The following CNOT11 variants were observed in gnomAD, a reference collection of about 807,000 sequenced individuals.
CNOT11 encodes the protein UPF0760 protein C2orf29.
Under a neutral mutation model 44.6 loss-of-function variants are expected in CNOT11, and 18 were observed. That is an observed-to-expected ratio of 0.40 (90% CI 0.28 to 0.60). The LOEUF is 0.60. Among genes scored for constraint, CNOT11 ranks in the 20% least tolerant of loss-of-function variants. CNOT11 has a pLI of 0.38. For synonymous variants in CNOT11, 291 were observed against 270.9 expected (o/e 1.07, Z -0.73); for missense variants, 513 against 677.0 (o/e 0.76, Z 2.69).
intron 1 of CNOT11, among the ~76,000 whole-genome samples, chr2:101,256,164 G>A (rs546998172): frequency 6.6e-6 from 1 of 151,548 alleles, no homozygotes; most frequent in African/African-American, 2.4e-5. Context: ...TGTAGAAGTT[G>A]AGGGATTTTG....
intron 2 of CNOT11, 67 bp from the exon 3 acceptor site, chr2:101,262,472 C>T: frequency 6.9e-7 from 1 of 1,443,194 alleles, no homozygotes; most frequent in Middle Eastern, 1.8e-4. Flanking sequence ...TAGCTTGCCT[C>T]AGTTGGTAGC....
chr2:101,266,988 T>C (rs1046756599), intron 5 of CNOT11, 109 bp downstream of exon 5: 6 of 750,908 alleles, frequency 8.0e-6, no homozygotes, highest in Non-Finnish European at 1.3e-5. Context: ...TAAGATTAAC[T>C]ATTAAAGAAA....
chr2:101,258,494 C>T (rs867166647), intron 2 of CNOT11, among the ~76,000 whole-genome samples: 2 of 151,818 alleles, frequency 1.3e-5, no homozygotes, highest in Non-Finnish European at 2.9e-5. Flanking sequence ...GGAGTTTTCA[C>T]TTGAATTGAT....
At position 101,253,144 on chromosome 2, in the gene CNOT11, G is replaced by T. The variant is rs766637419; in HGVS notation, c.180G>T (p.Arg60Ser). ...GAGGCCCGGGGGGCCCCGCGGGCAG[G>T]ATGAGCTTGACCCCGAAGGAGCTCT... ...GSGGPGGPAG[R>S]MSLTPKELSS... is the part of the protein sequence containing the mutation. Residue 60 changes from arginine (R) to serine (S), a missense_variant, in exon 1 of 7, where the codon AGG becomes AGT. Physicochemically the swap from Arg to Ser is moderately radical, Grantham distance 110 (BLOSUM62 -1). This residue lies in a region of CNOT11 where 259 missense variants were observed against 265.7 expected (regional missense o/e 0.97). Transcript: ENST00000289382. The surrounding 1 kb of genome is among the most constrained non-coding windows in gnomAD (Gnocchi z 4.3). The T allele has an allele frequency of 5.7e-6, 9 of 1,573,782 alleles. No individual in the cohort carries two copies. In the Admixed American group the frequency reaches 1.6e-4, roughly 28 times the overall value.
intron 2 of CNOT11, among the ~76,000 whole-genome samples, chr2:101,259,923 C>T (rs1239160337): frequency 6.6e-6 from 1 of 151,928 alleles, no homozygotes; most frequent in African/African-American, 2.4e-5. Context: ...GGTGTGTGCA[C>T]TTGTGGTCCC....
chr2:101,266,580 T>C, intron 4 of CNOT11, 97 bp from the exon 5 acceptor site: 1 of 887,388 alleles, frequency 1.1e-6, no homozygotes. Context: ...TTGTAGCTTT[T>C]TGTATAAAAT....
chr2:101,267,203 A>G (rs1682007304), intron 5 of CNOT11, among the ~76,000 whole-genome samples: 1 of 151,980 alleles, frequency 6.6e-6, no homozygotes, highest in Admixed American at 6.6e-5. Flanking sequence ...GCTCACTGCA[A>G]CCTCCACCCG....
At position 101,269,634 on chromosome 2, in the gene CNOT11, C is replaced by T. The variant is rs182234397; in HGVS notation, c.*221C>T. On this transcript the variant is annotated 3_prime_UTR_variant, in exon 7 of 7. Transcript: ENST00000289382. The surrounding 1 kb of genome is among the most constrained non-coding windows in gnomAD (Gnocchi z 4.8). The stretch of plus-strand genomic sequence containing the variant: ...TTTTAGGTGTCTTGCTGATGACTAT[C>T]CATAGGAGGAATGGCTATCCCAAAA... 134 of 391,500 alleles carry T rather than the reference C, an allele frequency of 3.4e-4. No homozygotes were observed. The highest frequency in any genetic ancestry group is 5.3e-4 in the Non-Finnish European group (118 of 221,158). The allele number at this position is 391,500 out of a possible 1,614,324, so 24.3% of individuals were successfully genotyped here.
At chr2:101,268,292 T>G (rs1475390817) in intron 5 of CNOT11, among the ~76,000 whole-genome samples, 3 of 152,226 alleles carry the variant, frequency 2.0e-5, no homozygotes, top group Non-Finnish European at 4.4e-5. Context: ...TTGACCACGC[T>G]GAGTGTTCAC....
rs1478312636 is a variant in CNOT11, at chr2:101,265,003, G to A, written c.991G>A (p.Ala331Thr). 3.1e-6 allele frequency: 5 copies of A among 1,613,972 alleles called. No individual in the cohort carries two copies. The highest frequency in any genetic ancestry group is 4.2e-6 in the Non-Finnish European group (5 of 1,179,976). ...TGGTGTGGAGATCAAACGAATAATG[G>A]CCAAAGCCTTCAAAAGCCCCTTATC... ...STGVEIKRIM[A>T]KAFKSPLSSP... The change falls in exon 4 of 7, where the codon GCC becomes ACC. Residue 331 changes from alanine to threonine, a missense_variant. Coordinates refer to ENST00000289382, the MANE Select transcript of CNOT11 (RefSeq NM_017546.5).
intron 2 of CNOT11, among the ~76,000 whole-genome samples, chr2:101,261,474 A>T (rs34030592): frequency 6.6e-6 from 1 of 152,222 alleles, no homozygotes; most frequent in Non-Finnish European, 1.5e-5. Context: ...GTTGATGGAC[A>T]TAATACTGCT....
Position 101,270,148 on chromosome 2 carries a change from T to A in CNOT11, c.*735T>A, listed in dbSNP as rs1267165796. On this transcript the variant is annotated 3_prime_UTR_variant, in exon 7 of 7. Transcript: ENST00000289382. ...CATTTTTTTGTTTTAAGGAAAAATATCAGTCAGTGCTCCGGGAGGTAATTT... is the reference window on the plus strand; with the variant it reads ...CATTTTTTTGTTTTAAGGAAAAATAACAGTCAGTGCTCCGGGAGGTAATTT... 6.6e-6 allele frequency: 1 copy of A among 152,456 alleles called. No individual in the cohort carries two copies. The highest frequency in any genetic ancestry group is 1.5e-5 in the Non-Finnish European group (1 of 68,012). The allele number at this position is 152,456 out of a possible 1,614,324, so 9.4% of individuals were successfully genotyped here.
chr2:101,265,587 A>G (rs1320197108), intron 4 of CNOT11, among the ~76,000 whole-genome samples: 1 of 152,064 alleles, frequency 6.6e-6, no homozygotes, highest in Non-Finnish European at 1.5e-5. Context: ...AAAATGTTCT[A>G]ACTTTTCTTT....
rs1573201310 is a variant in CNOT11 at position 101,262,691 on chromosome 2, A to G, written c.832A>G (p.Ser278Gly). Residue 278 changes from serine to glycine, a missense_variant and splice_region_variant, in exon 3 of 7, where the codon AGC becomes GGC. Coordinates refer to ENST00000289382, the MANE Select transcript of CNOT11 (RefSeq NM_017546.5). ...CAGCGGACCAAAGCCACCTATTGAA[A>G]GTAGGTACATATAAATTAATTTATA... ...LVSGPKPPIE[S>G]HFRPEFIRPP... 7 of 1,612,982 alleles carry G rather than the reference A, an allele frequency of 4.3e-6. No homozygotes were observed. In the East Asian group the frequency reaches 1.6e-4, roughly 36 times the overall value.
intron 3 of CNOT11, 46 bp from the exon 4 acceptor site, chr2:101,264,799 G>C: frequency 6.9e-7 from 1 of 1,451,164 alleles, no homozygotes; most frequent in Non-Finnish European, 9.7e-7. Flanking sequence ...GATGTGTAGA[G>C]ATGTTAGCTT....
At position 101,270,016 on chromosome 2, in the gene CNOT11, T is replaced by G. The variant is rs1257817210; in HGVS notation, c.*603T>G. ...AGAATAAATGCATTTCTTGGGCCTC[T>G]TATAAACTTGGGAATTCTTAGAAAG... On this transcript the variant is annotated 3_prime_UTR_variant, in exon 7 of 7. Transcript: ENST00000289382. 2 of 152,544 alleles carry G rather than the reference T, an allele frequency of 1.3e-5. No homozygotes were observed. The highest frequency in any genetic ancestry group is 2.9e-5 in the Non-Finnish European group (2 of 68,030). 9.4% of individuals were successfully genotyped at this position (152,544 alleles called of 1,614,324 possible).
At chr2:101,267,342 C>T (rs1169838266) in intron 5 of CNOT11, among the ~76,000 whole-genome samples, 7 of 152,086 alleles carry the variant, frequency 4.6e-5, no homozygotes, top group Admixed American at 1.3e-4. Flanking sequence ...AGGCGGGTCT[C>T]GAACTTCTGA....
At chr2:101,262,237 A>T (rs532262024) in intron 2 of CNOT11, among the ~76,000 whole-genome samples, 1 of 152,278 alleles carries the variant, frequency 6.6e-6, no homozygotes, top group African/African-American at 2.4e-5. Context: ...GAAACTGCAG[A>T]TTTAAGTGAA....
rs563373241 is a variant in CNOT11, at chr2:101,266,807, G to C, written c.1166G>C (p.Ser389Thr). Residue 389 changes from serine to threonine, a missense_variant, in exon 5 of 7, where the codon AGC becomes ACC. Around this residue, in one of 4 missense-constraint regions of CNOT11, gnomAD observed 87 missense variants for 185.4 expected, o/e 0.47. Transcript: ENST00000289382. ...IEMLLKLMQS[S>T]QITEYFSVLV... ...ATGTTGCTGAAATTAATGCAGTCAA[G>C]CCAGATCACTGAGTATTTCTCTGTC... 5.0e-5 allele frequency: 80 copies of C among 1,614,092 alleles called. 3 individuals carry two copies. The South Asian group carries it at 8.5e-4, about 17-fold the overall frequency.
Sources: allele counts gnomAD v4.1 joint callset (sites outside exome capture counted in the v4.1 genomes callset), GRCh38; gene constraint gnomAD v4.1.1; regional missense constraint gnomAD v4.1.1; non-coding constraint Gnocchi (gnomAD v3.1); transcripts MANE v1.5; gene names NCBI Gene and HGNC (gene_info 2026-07-23, HGNC 2026-07-21).